PIGU: variants seen among roughly 807,000 people sequenced by gnomAD.
PIGU encodes phosphatidylinositol glycan anchor biosynthesis class U.
In PIGU, 24 loss-of-function variants were observed where a neutral mutation model predicts 49.9. The observed-to-expected ratio is 0.48, with a 90% CI of 0.35 to 0.68. The LOEUF is 0.68. Ranked by LOEUF, PIGU falls within the 30% of genes least tolerant of loss-of-function variation. The probability of loss-of-function intolerance (pLI) is 0.01; values close to 1 mark genes in which losing one functional copy is unlikely to be tolerated. For synonymous variants in PIGU, 220 were observed against 205.7 expected (o/e 1.07, Z -0.59); for missense variants, 490 against 532.6 (o/e 0.92, Z 0.79).
At chr20:34,578,895 G>A (rs1345524633) in intron 10 of PIGU, 2 of 152,128 alleles carry the variant, frequency 1.3e-5, no homozygotes, top group Non-Finnish European at 2.9e-5. Context: ...GAGGCCAGAT[G>A]GAATCAGGTT....
chr20:34,618,057 C>A (rs570042800), intron 6 of PIGU, among the ~76,000 whole-genome samples: 2 of 152,178 alleles, frequency 1.3e-5, no homozygotes, highest in African/African-American at 4.8e-5. Flanking sequence ...TTCAATTAAA[C>A]CTCTTTCTTT....
intron 6 of PIGU, among the ~76,000 whole-genome samples, chr20:34,618,142 G>A (rs1403244255): frequency 1.3e-5 from 2 of 151,984 alleles, no homozygotes; most frequent in African/African-American, 4.8e-5. Flanking sequence ...AGGCCACAAA[G>A]TTTATAGTGG....
At position 34,575,090 on chromosome 20, in the gene PIGU, G is replaced by T; in HGVS notation, c.1194+14C>A. On this transcript the variant is annotated intron_variant, in intron 11 of 11. Coordinates refer to ENST00000217446, the MANE Select transcript of PIGU (RefSeq NM_080476.5). ...TTCCTGTCCCCAAGCTGACCCCCAT[G>T]CTGTCCCTCTTACCTGCCCAACGTT... The T allele has an allele frequency of 6.2e-7, 1 of 1,613,456 alleles. No homozygotes were observed. Among genetic ancestry groups the T allele is most frequent in the Non-Finnish European group, 8.5e-7 (1 of 1,179,492 alleles).
intron 2 of PIGU, among the ~76,000 whole-genome samples, chr20:34,651,931 C>G (rs572954298): frequency 1.3e-5 from 2 of 152,030 alleles, no homozygotes; most frequent in East Asian, 1.9e-4. Flanking sequence ...AAGTGAGACC[C>G]CCCCCATCTC....
intron 3 of PIGU, among the ~76,000 whole-genome samples, chr20:34,644,971 G>C (rs183418834): frequency 5.3e-5 from 8 of 152,246 alleles, no homozygotes; most frequent in Non-Finnish European, 2.9e-5. Context: ...ACAGTTCCAT[G>C]AATTCAAAGT....
chr20:34,616,493 A>G (rs560235203), intron 6 of PIGU, among the ~76,000 whole-genome samples: 9 of 152,320 alleles, frequency 5.9e-5, no homozygotes, highest in Middle Eastern at 3.4e-3. Flanking sequence ...CAATTTATTA[A>G]GCCTACAATT....
At chr20:34,626,280 A>AT (rs1400947227) in intron 6 of PIGU, among the ~76,000 whole-genome samples, 2 of 151,086 alleles carry the variant, frequency 1.3e-5, no homozygotes, top group African/African-American at 2.4e-5. Flanking sequence ...AAATAAATGA[A>AT]TAAAATTTTT....
At chr20:34,595,006 G>A (rs1431063586) in intron 7 of PIGU, among the ~76,000 whole-genome samples, 1 of 149,076 alleles carries the variant, frequency 6.7e-6, no homozygotes, top group African/African-American at 2.5e-5. Flanking sequence ...GCAGGAGAAT[G>A]GCATGAACCC....
At position 34,582,930 on chromosome 20, in the gene PIGU, G is replaced by T. The variant is rs919591257; in HGVS notation, c.927-1258C>A. The stretch of plus-strand genomic sequence containing the variant: ...CCAAGTGCTAAAGGGAAGCCAACAG[G>T]GAGAGGCTGGATCTATACCCTCCTC... On this transcript the variant is annotated intron_variant, in intron 9 of 11. Transcript: ENST00000217446. Among the ~76,000 whole-genome samples, 7 of 152,004 alleles carry T rather than the reference G, an allele frequency of 4.6e-5. No individual in the cohort carries two copies. In the East Asian group the frequency reaches 1.4e-3, roughly 29 times the overall value.
At chr20:34,570,707 C>G (rs1416568304) in intron 11 of PIGU, among the ~76,000 whole-genome samples, 1 of 152,130 alleles carries the variant, frequency 6.6e-6, no homozygotes, top group Non-Finnish European at 1.5e-5. Context: ...GCATAAGCCA[C>G]TATTAATTTT....
intron 11 of PIGU, among the ~76,000 whole-genome samples, chr20:34,571,369 T>C (rs528630573): frequency 2.0e-4 from 30 of 152,250 alleles, no homozygotes; most frequent in African/African-American, 6.7e-4. Context: ...TGTTCTGTAA[T>C]AGGGTATGGC....
intron 5 of PIGU, 74 bp downstream of exon 5, chr20:34,637,802 A>G: frequency 6.3e-7 from 1 of 1,585,280 alleles, no homozygotes; most frequent in South Asian, 1.2e-5. Flanking sequence ...AATACAACAA[A>G]CAACATGGGA....
intron 7 of PIGU, among the ~76,000 whole-genome samples, chr20:34,611,138 G>A (rs1029223906): frequency 6.6e-6 from 1 of 152,164 alleles, no homozygotes; most frequent in African/African-American, 2.4e-5. Context: ...CAGGACATAG[G>A]CATGGGCAAA....
intron 6 of PIGU, among the ~76,000 whole-genome samples, chr20:34,619,470 A>G (rs1412727817): frequency 6.6e-6 from 1 of 152,220 alleles, no homozygotes; most frequent in Non-Finnish European, 1.5e-5. Flanking sequence ...CACTGAAAAT[A>G]ACTTTTTAAC....
At chr20:34,656,794 T>G (rs866210211) in intron 2 of PIGU, among the ~76,000 whole-genome samples, 3 of 150,664 alleles carry the variant, frequency 2.0e-5, no homozygotes, top group Non-Finnish European at 4.4e-5. Context: ...ATTTTATGGG[T>G]TAAGTAAGTT....
chr20:34,597,558 A>C (rs1465619941), intron 7 of PIGU, among the ~76,000 whole-genome samples: 5 of 152,232 alleles, frequency 3.3e-5, no homozygotes, highest in Non-Finnish European at 7.3e-5. Flanking sequence ...ATTAAGATTC[A>C]TGCACTTCAT....
At chr20:34,640,687 G>T (rs1367799203) in intron 4 of PIGU, among the ~76,000 whole-genome samples, 1 of 152,218 alleles carries the variant, frequency 6.6e-6, no homozygotes, top group Middle Eastern at 3.4e-3. Context: ...TAGTGACCTG[G>T]ATATCTTACC....
intron 7 of PIGU, among the ~76,000 whole-genome samples, chr20:34,614,552 G>A (rs1984936423): frequency 6.6e-6 from 1 of 151,346 alleles, no homozygotes; most frequent in African/African-American, 2.4e-5. Flanking sequence ...TTGAGCCTGG[G>A]AGATGGAGGC....
rs377534905 is a variant in PIGU, at chr20:34,634,725, A to G, written c.429-10T>C. On this transcript the variant is annotated splice_polypyrimidine_tract_variant and intron_variant, in intron 5 of 11. Coordinates refer to ENST00000217446, the MANE Select transcript of PIGU (RefSeq NM_080476.5). Reference sequence around the variant, plus strand: ...AGGATTTAAGAGATAGCTGGGGAAGAACAAACATATTTGGCATTAGTAATC... The same window carrying G: ...AGGATTTAAGAGATAGCTGGGGAAGGACAAACATATTTGGCATTAGTAATC... 279 of 1,610,218 alleles carry G rather than the reference A, an allele frequency of 1.7e-4. No individual in the cohort carries two copies. The highest frequency in any genetic ancestry group is 2.3e-4 in the Non-Finnish European group (267 of 1,177,392).
Sources: gnomAD v4.1 joint callset for allele counts (sites outside exome capture counted in the v4.1 genomes callset) on GRCh38, gnomAD v4.1.1 for gene constraint, MANE v1.5 for transcripts, NCBI Gene and HGNC (gene_info 2026-07-23, HGNC 2026-07-21) for gene names.